The following FAM216B variants were observed in gnomAD, a reference collection of about 807,000 sequenced individuals.
The protein encoded by FAM216B is protein FAM216B.
Under a neutral mutation model 12.9 loss-of-function variants are expected in FAM216B, and 11 were observed. The ratio of observed to expected loss-of-function variants is 0.86; its 90% CI spans 0.54 to 1.42. FAM216B has a LOEUF of 1.42. Ranked by LOEUF, FAM216B falls within the 40% of genes most tolerant of loss-of-function variation. The pLI, the probability that FAM216B is intolerant of heterozygous loss-of-function variation, is 0.00. For missense variants in FAM216B, 167 were observed against 162.9 expected, an observed-to-expected ratio of 1.02 and a Z score of -0.14; for synonymous variants, 52 against 57.2, an observed-to-expected ratio of 0.91 and a Z score of 0.41.
chr13:42,788,557 T>C (rs1225620814), intron 3 of FAM216B, 34 bp from the exon 4 acceptor site: 4 of 1,521,224 alleles, frequency 2.6e-6, no homozygotes. Context: ...GTAAAATTGT[T>C]GATTTTGAAG....
At chr13:42,787,726 T>C (rs767113187) in intron 3 of FAM216B, among the ~76,000 whole-genome samples, 1 of 152,210 alleles carries the variant, frequency 6.6e-6, no homozygotes, top group Non-Finnish European at 1.5e-5. Flanking sequence ...GTTTTTATAT[T>C]TACACAAAAG....
At chr13:42,785,534 T>A (rs916169436) in intron 2 of FAM216B, among the ~76,000 whole-genome samples, 1 of 152,224 alleles carries the variant, frequency 6.6e-6, no homozygotes, top group Non-Finnish European at 1.5e-5. Flanking sequence ...ATCTGTAAAG[T>A]GAACACAATA....
rs71202236 is a variant in FAM216B, at chr13:42,784,173, C to CTTT, written c.99+25_99+27dup. 16,269 of 745,776 alleles carry CTTT rather than the reference C, an allele frequency of 0.022. 386 individuals carry two copies. Among genetic ancestry groups the CTTT allele is most frequent in the African/African-American group, 0.035 (1,263 of 35,670 alleles). 46.2% of individuals were successfully genotyped at this position (745,776 alleles called of 1,614,324 possible). On this transcript the variant is annotated splice_region_variant and intron_variant, in intron 2 of 3. Transcript: ENST00000313851. Reference sequence around the variant, plus strand: ...TGACACTTCCTTACTAAAGGTATGGCTTTTTTTTTTTTTTTTTTTTCACAG... The same window carrying CTTT: ...TGACACTTCCTTACTAAAGGTATGGCTTTTTTTTTTTTTTTTTTTTTTTCACAG...
At chr13:42,784,207 A>G (rs780235903) in intron 2 of FAM216B, 41 bp downstream of exon 2, 1 of 1,252,658 alleles carries the variant, frequency 8.0e-7, no homozygotes, top group Non-Finnish European at 1.1e-6. Flanking sequence ...AGATAGAGTG[A>G]CCTGTCTGTC....
chr13:42,784,856 T>C (rs1874023424), intron 2 of FAM216B, among the ~76,000 whole-genome samples: 1 of 146,894 alleles, frequency 6.8e-6, no homozygotes, highest in South Asian at 2.2e-4. Context: ...AATAAATAAA[T>C]TAAAAATAAA....
chr13:42,783,443 T>A (rs1355860254), intron 1 of FAM216B, among the ~76,000 whole-genome samples: 2 of 152,184 alleles, frequency 1.3e-5, no homozygotes, highest in African/African-American at 2.4e-5. Context: ...TTCCAGATTT[T>A]TTTTTTTTGA....
intron 2 of FAM216B, among the ~76,000 whole-genome samples, 183 bp downstream of exon 2, chr13:42,784,349 C>T (rs1566064046): frequency 6.6e-6 from 1 of 151,910 alleles, no homozygotes; most frequent in Non-Finnish European, 1.5e-5. Flanking sequence ...ACTTGGGTAA[C>T]CTCCTACACT....
chr13:42,785,125 A>G (rs1413446646), intron 2 of FAM216B, among the ~76,000 whole-genome samples: 1 of 152,202 alleles, frequency 6.6e-6, no homozygotes, highest in Non-Finnish European at 1.5e-5. Flanking sequence ...AATCATTTTA[A>G]AAGGCAAAAT....
rs1193151597 is a variant in FAM216B, at chr13:42,784,181, T to TTTC, written c.99+17_99+18insCTT. The TTTC allele has an allele frequency of 2.0e-6, 3 of 1,533,030 alleles. No individual in the cohort carries two copies. In the African/African-American group the frequency reaches 4.3e-5, roughly 22 times the overall value. The allele number at this position is 1,533,030 out of a possible 1,614,324, so 95.0% of individuals were successfully genotyped here. On this transcript the variant is annotated intron_variant, in intron 2 of 3. Transcript: ENST00000313851. The stretch of plus-strand genomic sequence containing the variant: ...CCTTACTAAAGGTATGGCTTTTTTT[T>TTTC]TTTTTTTTTTTTCACAGATAGAGTG...
At chr13:42,786,998 T>A in intron 3 of FAM216B, 115 bp downstream of exon 3, 2 of 1,478,046 alleles carry the variant, frequency 1.4e-6, no homozygotes, top group South Asian at 2.7e-5. Context: ...GCGTGCTATT[T>A]TATCAACATA....
rs1289298336 is a variant in FAM216B, at chr13:42,789,600, A to C, written c.*810A>C. On this transcript the variant is annotated 3_prime_UTR_variant, in exon 4 of 4. Coordinates refer to ENST00000313851, the MANE Select transcript of FAM216B (RefSeq NM_001318932.2). The stretch of plus-strand genomic sequence containing the variant: ...TCATACAAAGGCATAGTATTGCATT[A>C]GTTATATTTAATGGTTATTTTCATC... 6.6e-6 allele frequency: 1 copy of C among 151,800 alleles called. No homozygotes were observed. Among genetic ancestry groups the C allele is most frequent in the African/African-American group, 2.4e-5 (1 of 41,260 alleles). 9.4% of individuals were successfully genotyped at this position (151,800 alleles called of 1,614,324 possible). A position where few individuals can be genotyped will look rare whatever the true frequency, so the allele number is the denominator to read the frequency against.
chr13:42,786,420 A>G (rs1172778643), intron 2 of FAM216B, among the ~76,000 whole-genome samples: 1 of 152,218 alleles, frequency 6.6e-6, no homozygotes, highest in Non-Finnish European at 1.5e-5. Context: ...GAGGCCTGGC[A>G]TACTTCAGCT....
chr13:42,783,103 GT>G (rs1368135243), intron 1 of FAM216B, among the ~76,000 whole-genome samples: 1 of 152,122 alleles, frequency 6.6e-6, no homozygotes, highest in East Asian at 1.9e-4. Flanking sequence ...GAGCCCAGGA[GT>G]TTGAGACCAG....
At position 42,789,891 on chromosome 13, in the gene FAM216B, T is replaced by G. The variant is rs576700755; in HGVS notation, c.*1101T>G. 3.3e-5 allele frequency: 5 copies of G among 152,184 alleles called. No individual in the cohort carries two copies. The highest frequency in any genetic ancestry group is 7.3e-5 in the Non-Finnish European group (5 of 68,030). 9.4% of individuals were successfully genotyped at this position (152,184 alleles called of 1,614,324 possible). ...AATCATTATCTTCTCTTTGCAATCATGAACATATAAGATATAAAAATTGTC... is the reference window on the plus strand; with the variant it reads ...AATCATTATCTTCTCTTTGCAATCAGGAACATATAAGATATAAAAATTGTC... On this transcript the variant is annotated 3_prime_UTR_variant, in exon 4 of 4. Coordinates refer to ENST00000313851, the MANE Select transcript of FAM216B (RefSeq NM_001318932.2).
rs550258080 is a variant in FAM216B, at chr13:42,787,279, G to A, written c.220+396G>A. On this transcript the variant is annotated intron_variant, in intron 3 of 3. Transcript: ENST00000313851. ...GTTACATTTATTGCTCACTGACCAC[G>A]TTCCAGACATTGTGCTAAGAGCTTT... Among the ~76,000 whole-genome samples, 3 of 152,278 alleles carry A rather than the reference G, an allele frequency of 2.0e-5. No individual in the cohort carries two copies. The South Asian group carries it at 6.2e-4, about 32-fold the overall frequency.
chr13:42,791,095 T>C lies in FAM216B; in HGVS notation c.*2305T>C, dbSNP rs1874298775. On this transcript the variant is annotated 3_prime_UTR_variant, in exon 4 of 4. Transcript: ENST00000313851. Reference sequence around the variant, plus strand: ...TAATAAAGCTGACTACAAGTTGGTCTATTTTTTATTACCACCATGAGCCAG... The same window carrying C: ...TAATAAAGCTGACTACAAGTTGGTCCATTTTTTATTACCACCATGAGCCAG... 1 of 152,244 alleles carries C rather than the reference T, an allele frequency of 6.6e-6. No individual in the cohort carries two copies. Among genetic ancestry groups the C allele is most frequent in the Admixed American group, 6.5e-5 (1 of 15,274 alleles). The allele number at this position is 152,244 out of a possible 1,614,324, so 9.4% of individuals were successfully genotyped here. A position where few individuals can be genotyped will look rare whatever the true frequency, so the allele number is the denominator to read the frequency against.
intron 3 of FAM216B, 69 bp downstream of exon 3, chr13:42,786,952 T>C: frequency 6.3e-7 from 1 of 1,588,898 alleles, no homozygotes; most frequent in Non-Finnish European, 8.6e-7. Flanking sequence ...AGAAGTCGTT[T>C]CCAGATAAAT....
chr13:42,783,473 T>G (rs1445928531), intron 1 of FAM216B, among the ~76,000 whole-genome samples: 3 of 152,050 alleles, frequency 2.0e-5, no homozygotes, highest in African/African-American at 7.2e-5. Context: ...ATTTACATTA[T>G]CTTTGCCAGT....
At chr13:42,788,486 G>A (rs893696363) in intron 3 of FAM216B, 105 bp from the exon 4 acceptor site, 3 of 880,372 alleles carry the variant, frequency 3.4e-6, no homozygotes, top group Non-Finnish European at 3.4e-6. Flanking sequence ...CTTACCACAA[G>A]AGTAGAATAA....
Sources: allele counts gnomAD v4.1 joint callset (sites outside exome capture counted in the v4.1 genomes callset), GRCh38; gene constraint gnomAD v4.1.1; transcripts MANE v1.5; gene names NCBI Gene and HGNC (gene_info 2026-07-23, HGNC 2026-07-21).